The following ZNF578 variants were observed in gnomAD, a reference collection of about 807,000 sequenced individuals.
ZNF578 encodes the protein Putative chemokine-related protein B42.
ZNF578 carries 8 observed loss-of-function variants against 8.3 expected under a neutral mutation model. The observed-to-expected ratio is 0.96, with a 90% CI of 0.56 to 1.74. The LOEUF is 1.74. Among genes scored for constraint, ZNF578 ranks in the 40% most tolerant of loss-of-function variants. The probability of loss-of-function intolerance (pLI) is 0.00; values close to 1 mark genes in which losing one functional copy is unlikely to be tolerated. For synonymous variants in ZNF578, 206 were observed against 232.2 expected, an observed-to-expected ratio of 0.89 and a Z score of 1.03; for missense variants, 726 against 707.5, an observed-to-expected ratio of 1.03 and a Z score of -0.30.
At chr19:52,503,800 C>CTTTTTTTTTTTTTTT (rs59166209) in intron 4 of ZNF578, among the ~76,000 whole-genome samples, 3 of 125,516 alleles carry the variant, frequency 2.4e-5, no homozygotes, top group Non-Finnish European at 3.4e-5. Context: ...CCTGTGTTTG[C>CTTTTTTTTTTTTTTT]TTTTTTTTTT....
chr19:52,461,208 C>G (rs2059256909), intron 2 of ZNF578, among the ~76,000 whole-genome samples: 2 of 152,164 alleles, frequency 1.3e-5, no homozygotes, highest in African/African-American at 4.8e-5. Context: ...CAGATGATGT[C>G]TAACTTTTTC....
chr19:52,463,068 T>C (rs2059263745), intron 2 of ZNF578, among the ~76,000 whole-genome samples: 1 of 152,202 alleles, frequency 6.6e-6, no homozygotes, highest in Non-Finnish European at 1.5e-5. Flanking sequence ...GAATATTCCC[T>C]ATCTCCCCCT....
rs116164830 is a variant in ZNF578, at chr19:52,516,123, T to C, written c.*3969T>C. On this transcript the variant is annotated 3_prime_UTR_variant, in exon 6 of 6. Transcript: ENST00000421239. Reference sequence around the variant, plus strand: ...CAAAACCCTTCCTGTCTCAGGTCATTGTCCCTGCTCTTACCCTATGTACCC... The same window carrying C: ...CAAAACCCTTCCTGTCTCAGGTCATCGTCCCTGCTCTTACCCTATGTACCC... Among the ~76,000 whole-genome samples the C allele has an allele frequency of 0.2, 29,734 of 151,914 alleles. 3,070 individuals carry two copies. Among genetic ancestry groups the C allele is most frequent in the Non-Finnish European group, 0.23 (15,448 of 67,904 alleles).
chr19:52,469,444 GC>G (rs371023847), intron 2 of ZNF578, among the ~76,000 whole-genome samples: 1,529 of 152,218 alleles, frequency 0.01, 31 homozygotes, highest in African/African-American at 0.035. Flanking sequence ...ACAGGTGTGA[GC>G]CACTGTGTCC....
At chr19:52,502,154 G>A (rs9636145) in intron 4 of ZNF578, among the ~76,000 whole-genome samples, 11,944 of 152,084 alleles carry the variant, frequency 0.079, 501 homozygotes, top group Middle Eastern at 0.11. Flanking sequence ...ATGGTCCTGG[G>A]AAGGGCTCAC....
Position 52,512,511 on chromosome 19 carries a change from C to A in ZNF578, c.*357C>A, listed in dbSNP as rs1426631552. 6.6e-6 allele frequency among the ~76,000 whole-genome samples: 1 copy of A among 152,178 alleles called. No individual in the cohort carries two copies. Among genetic ancestry groups the A allele is most frequent in the Non-Finnish European group, 1.5e-5 (1 of 68,054 alleles). ...GAACTCATACTGGAGAGAAACCTTACAAATGTCATGACTGTGGCAAGGTCT... is the reference window on the plus strand; with the variant it reads ...GAACTCATACTGGAGAGAAACCTTAAAAATGTCATGACTGTGGCAAGGTCT... On this transcript the variant is annotated 3_prime_UTR_variant, in exon 6 of 6. Transcript: ENST00000421239.
Position 52,480,774 on chromosome 19 carries a change from A to G in ZNF578, c.-121-10550A>G, listed in dbSNP as rs183497382. On this transcript the variant is annotated intron_variant, in intron 2 of 5. Coordinates refer to ENST00000421239, the MANE Select transcript of ZNF578 (RefSeq NM_001099694.2). ...TAGCCGGGCATGGTGGCACTTGCCT[A>G]TAATCCCAGCTACTCGGGTGGCTGA... Among the ~76,000 whole-genome samples, 1,077 of 151,808 alleles carry G rather than the reference A, an allele frequency of 7.1e-3. 12 individuals are homozygous for G. The highest frequency in any genetic ancestry group is 0.024 in the African/African-American group (1,003 of 41,386).
chr19:52,495,604 G>A (rs924355823), intron 3 of ZNF578, among the ~76,000 whole-genome samples: 40 of 151,950 alleles, frequency 2.6e-4, no homozygotes, highest in Non-Finnish European at 2.8e-4. Context: ...GATGAAGGGG[G>A]ACCCTGAGTG....
intron 5 of ZNF578, among the ~76,000 whole-genome samples, chr19:52,505,169 G>A (rs148183406): frequency 0.028 from 4,317 of 152,254 alleles, 189 homozygotes; most frequent in African/African-American, 0.098. Flanking sequence ...TTACAGGCGT[G>A]AGCCACCATG....
chr19:52,483,663 A>C (rs1455580469), intron 2 of ZNF578, among the ~76,000 whole-genome samples: 1 of 152,208 alleles, frequency 6.6e-6, no homozygotes, highest in Non-Finnish European at 1.5e-5. Context: ...AAATTTTCCC[A>C]GTACACATTC....
At chr19:52,501,777 A>C in intron 3 of ZNF578, 50 bp from the exon 4 acceptor site, 1 of 1,584,172 alleles carries the variant, frequency 6.3e-7, no homozygotes, top group Non-Finnish European at 8.6e-7. Flanking sequence ...TATCACAGGA[A>C]GGGAGTGAGT....
chr19:52,501,375 T>G (rs145572799), intron 3 of ZNF578, among the ~76,000 whole-genome samples: 6,398 of 152,212 alleles, frequency 0.042, 167 homozygotes, highest in South Asian at 0.077. Context: ...GGATTCTTAT[T>G]CTGACGGGAT....
chr19:52,474,340 A>T (rs2059301444), intron 2 of ZNF578: 2 of 294,750 alleles, frequency 6.8e-6, no homozygotes, highest in Non-Finnish European at 1.4e-5. Context: ...CTCTGGTATG[A>T]ATTATCCAAT....
chr19:52,513,729 C>A lies in ZNF578; in HGVS notation c.*1575C>A, dbSNP rs1427149374. ...TGGGCGACAGAGTGAGAGTCTGTCT[C>A]AAAAAAAAAAAAAAAAAGATATCAA... On this transcript the variant is annotated 3_prime_UTR_variant, in exon 6 of 6. Coordinates refer to ENST00000421239, the MANE Select transcript of ZNF578 (RefSeq NM_001099694.2). Among the ~76,000 whole-genome samples the A allele has an allele frequency of 3.5e-3, 432 of 123,186 alleles. No homozygotes were observed. The highest frequency in any genetic ancestry group is 8.1e-3 in the Middle Eastern group (2 of 246). The allele number at this position is 123,186 out of a possible 152,430, so 80.8% of individuals were successfully genotyped here.
intron 2 of ZNF578, among the ~76,000 whole-genome samples, chr19:52,486,384 C>T (rs896870999): frequency 1.3e-5 from 2 of 152,178 alleles, no homozygotes; most frequent in Admixed American, 1.3e-4. Context: ...TGCTGAGCGC[C>T]GGTCCCCTGG....
chr19:52,482,238 G>C (rs1216966536), intron 2 of ZNF578, among the ~76,000 whole-genome samples: 3 of 152,080 alleles, frequency 2.0e-5, no homozygotes. Flanking sequence ...TCTTCATGTT[G>C]GTCTAGACTG....
At chr19:52,482,775 A>G (rs1379597987) in intron 2 of ZNF578, among the ~76,000 whole-genome samples, 1 of 152,042 alleles carries the variant, frequency 6.6e-6, no homozygotes, top group Non-Finnish European at 1.5e-5. Flanking sequence ...TGTCTCTACC[A>G]AAAGTACAAA....
chr19:52,497,194 G>A (rs2059390106), intron 3 of ZNF578, among the ~76,000 whole-genome samples: 1 of 152,104 alleles, frequency 6.6e-6, no homozygotes, highest in African/African-American at 2.4e-5. Context: ...CCGCCTCCCA[G>A]GGTCAAGCGA....
intron 2 of ZNF578, among the ~76,000 whole-genome samples, chr19:52,469,154 G>C (rs1013466749): frequency 1.1e-5 from 1 of 87,974 alleles, no homozygotes; most frequent in Non-Finnish European, 2.5e-5. Flanking sequence ...GGTACCTGGA[G>C]TGGTTTTTTT....
Sources: allele counts gnomAD v4.1 joint callset (sites outside exome capture counted in the v4.1 genomes callset), GRCh38; gene constraint gnomAD v4.1.1; transcripts MANE v1.5; gene names NCBI Gene and HGNC (gene_info 2026-07-23, HGNC 2026-07-21).